Variants in CACNA2D3 observed in about 807,000 individuals in gnomAD.
CACNA2D3 encodes the protein calcium voltage-gated channel auxiliary subunit alpha2delta 3, also known as voltage-dependent calcium channel subunit alpha-2/delta-3.
In CACNA2D3, 60 loss-of-function variants were observed where a neutral mutation model predicts 160.6. The observed-to-expected ratio is 0.37, with a 90% CI of 0.30 to 0.46. CACNA2D3 has a LOEUF of 0.46. CACNA2D3 is among the 20% of genes least tolerant of loss of function. The probability of loss-of-function intolerance (pLI) is 1.00; values close to 1 mark genes in which losing one functional copy is unlikely to be tolerated. For missense variants in CACNA2D3, 1,205 were observed against 1,365.0 expected, an observed-to-expected ratio of 0.88 and a Z score of 1.85; for synonymous variants, 558 against 492.9, an observed-to-expected ratio of 1.13 and a Z score of -1.75.
intron 4 of CACNA2D3, among the ~76,000 whole-genome samples, chr3:54,466,275 T>A (rs1359305852): frequency 1.3e-5 from 2 of 152,194 alleles, no homozygotes; most frequent in Non-Finnish European, 2.9e-5. Context: ...TATAAATTTT[T>A]TTTTGATGTT....
chr3:54,769,428 ATCG>A (rs1702279478), intron 13 of CACNA2D3, among the ~76,000 whole-genome samples: 1 of 152,054 alleles, frequency 6.6e-6, no homozygotes, highest in Non-Finnish European at 1.5e-5. Context: ...AAGCATATTT[ATCG>A]TCTACCTTAG....
chr3:54,885,585 G>T lies in CACNA2D3; in HGVS notation c.2055G>T (p.Gln685His). ...LYLKGKEPLL[Q>H]CDKELIQEVL... Reference sequence around the variant, plus strand: ...TAAAAGGCAAAGAACCTCTGCTCCAGTGTGAGTATGCTTTCAAAAGTGTGC... The same window carrying T: ...TAAAAGGCAAAGAACCTCTGCTCCATTGTGAGTATGCTTTCAAAAGTGTGC... Residue 685 changes from glutamine to histidine, a missense_variant and splice_region_variant, in exon 23 of 38, where the codon CAG becomes CAT. This residue lies in a region of CACNA2D3 where 911 missense variants were observed against 1,002.2 expected (regional missense o/e 0.91). Transcript: ENST00000474759. 5.6e-6 allele frequency: 9 copies of T among 1,609,254 alleles called. No individual in the cohort carries two copies. The highest frequency in any genetic ancestry group is 7.6e-6 in the Non-Finnish European group (9 of 1,176,602).
intron 11 of CACNA2D3, among the ~76,000 whole-genome samples, chr3:54,650,639 A>T (rs1282914050): frequency 6.6e-6 from 1 of 152,150 alleles, no homozygotes; most frequent in African/African-American, 2.4e-5. Flanking sequence ...TGCTACAATT[A>T]TAGGTGTGAA....
chr3:54,732,120 T>G (rs1381832121), intron 11 of CACNA2D3, among the ~76,000 whole-genome samples: 1 of 152,232 alleles, frequency 6.6e-6, no homozygotes, highest in Non-Finnish European at 1.5e-5. Context: ...AGGCTACGTG[T>G]TTAAGGGTGA....
chr3:54,386,694 G>A, intron 3 of CACNA2D3, 21 bp from the exon 4 acceptor site: 1 of 1,407,596 alleles, frequency 7.1e-7, no homozygotes, highest in Non-Finnish European at 9.4e-7. Context: ...GCTGTCTTCT[G>A]TTTTTTTTTT....
At chr3:54,433,123 A>G (rs995063327) in intron 4 of CACNA2D3, among the ~76,000 whole-genome samples, 5 of 152,234 alleles carry the variant, frequency 3.3e-5, no homozygotes, top group Non-Finnish European at 5.9e-5. Context: ...GTTGAGCTCA[A>G]CATTCCAACG....
chr3:54,837,224 C>T lies in CACNA2D3; in HGVS notation c.1464C>T (p.Asn488=), dbSNP rs756763797. 9 of 1,613,680 alleles carry T rather than the reference C, an allele frequency of 5.6e-6. No homozygotes were observed. The highest frequency in any genetic ancestry group is 1.1e-5 in the South Asian group (1 of 91,074). The change falls in exon 15 of 38, where the codon AAC becomes AAT. Residue 488 remains asparagine, a synonymous_variant. Coordinates refer to ENST00000474759, the MANE Select transcript of CACNA2D3 (RefSeq NM_018398.3). The part of the protein sequence containing the change: ...TVAMPVFSKQ[N]ETRSKGILLG... ...CCATGCCTGTGTTTAGTAAGCAGAA[C>T]GAAACCGTGAGTACAGTCGCTGAGC...
chr3:55,024,367 A>G (rs561696031), intron 35 of CACNA2D3, among the ~76,000 whole-genome samples: 6 of 152,034 alleles, frequency 3.9e-5, no homozygotes, highest in Non-Finnish European at 8.8e-5. Context: ...TAACATGTGC[A>G]TAAGGCTATG....
intron 35 of CACNA2D3, among the ~76,000 whole-genome samples, chr3:55,051,887 C>G (rs1428659496): frequency 6.6e-6 from 1 of 152,190 alleles, no homozygotes; most frequent in Non-Finnish European, 1.5e-5. Context: ...GTCTGTCACC[C>G]CTTTCTTTGA....
At chr3:55,041,316 T>C (rs895290559) in intron 35 of CACNA2D3, among the ~76,000 whole-genome samples, 6 of 152,200 alleles carry the variant, frequency 3.9e-5, no homozygotes, top group African/African-American at 1.2e-4. Flanking sequence ...TAAACACATA[T>C]ATAATTTTTC....
chr3:54,334,689 A>G (rs984236217), intron 3 of CACNA2D3, among the ~76,000 whole-genome samples: 3 of 152,212 alleles, frequency 2.0e-5, no homozygotes, highest in African/African-American at 7.2e-5. Flanking sequence ...TTGAGATGGA[A>G]GCAATCACAC....
In CACNA2D3 at chr3:54,596,498, G is replaced by T. The variant is rs114821642; in HGVS notation, c.963+14621G>T. 7.7e-3 allele frequency among the ~76,000 whole-genome samples: 1,165 copies of T among 152,124 alleles called. 22 individuals carry two copies. Among genetic ancestry groups the T allele is most frequent in the African/African-American group, 0.027 (1,106 of 41,512 alleles). ...CCAGGGGTTAGTCTCCATATGTATGGGCTCTCACGGACTAGTTAGTAAAAG... is the reference window on the plus strand; with the variant it reads ...CCAGGGGTTAGTCTCCATATGTATGTGCTCTCACGGACTAGTTAGTAAAAG... On this transcript the variant is annotated intron_variant, in intron 9 of 37. Transcript: ENST00000474759.
intron 14 of CACNA2D3, among the ~76,000 whole-genome samples, chr3:54,822,072 A>G (rs1703615891): frequency 6.6e-6 from 1 of 152,168 alleles, no homozygotes; most frequent in Non-Finnish European, 1.5e-5. Flanking sequence ...ATTTGCTTTT[A>G]CCTGTACTTT....
chr3:54,972,777 C>G (rs1401194714), intron 29 of CACNA2D3, among the ~76,000 whole-genome samples: 1 of 152,152 alleles, frequency 6.6e-6, no homozygotes, highest in Non-Finnish European at 1.5e-5. Flanking sequence ...AGCCATGTGA[C>G]TTGAGGGCCT....
At chr3:54,630,429 A>G (rs1278365589) in intron 10 of CACNA2D3, among the ~76,000 whole-genome samples, 1 of 152,062 alleles carries the variant, frequency 6.6e-6, no homozygotes, top group Non-Finnish European at 1.5e-5. Flanking sequence ...GCGCAGTTTA[A>G]TGCCGGCCTG....
At chr3:54,569,710 C>T in intron 6 of CACNA2D3, 85 bp from the exon 7 acceptor site, 1 of 1,114,240 alleles carries the variant, frequency 9.0e-7, no homozygotes, top group East Asian at 2.6e-5. Context: ...CCTGTCCATT[C>T]AATCAGCAAA....
chr3:54,168,910 G>A (rs910820646), intron 2 of CACNA2D3, among the ~76,000 whole-genome samples: 7 of 152,160 alleles, frequency 4.6e-5, no homozygotes, highest in Non-Finnish European at 1.0e-4. Flanking sequence ...ACTGTCCTGC[G>A]TGGAAGATCT....
At chr3:54,910,551 C>T (rs1700534064) in intron 27 of CACNA2D3, among the ~76,000 whole-genome samples, 1 of 152,102 alleles carries the variant, frequency 6.6e-6, no homozygotes, top group South Asian at 2.1e-4. Context: ...CCTCACTGTC[C>T]AACCCTCCTA....
rs1371004629 is a variant in CACNA2D3, at chr3:54,399,902, G to A, written c.381+13128G>A. On this transcript the variant is annotated intron_variant, in intron 4 of 37. Coordinates refer to ENST00000474759, the MANE Select transcript of CACNA2D3 (RefSeq NM_018398.3). The stretch of plus-strand genomic sequence containing the variant: ...TGGCGGGCGCCCCTCCCCCAGCCTC[G>A]TTGCCGCCTTGCAGTTTGATCTCAG... Among the ~76,000 whole-genome samples, 27 of 123,414 alleles carry A rather than the reference G, an allele frequency of 2.2e-4. 7 individuals are homozygous for A. Among genetic ancestry groups the A allele is most frequent in the East Asian group, 9.6e-4 (4 of 4,158 alleles). 81.0% of individuals were successfully genotyped at this position (123,414 alleles called of 152,430 possible). A position where few individuals can be genotyped will look rare whatever the true frequency, so the allele number is the denominator to read the frequency against.
Sources: allele counts gnomAD v4.1 joint callset (sites outside exome capture counted in the v4.1 genomes callset), GRCh38; gene constraint gnomAD v4.1.1; regional missense constraint gnomAD v4.1.1; transcripts MANE v1.5; gene names NCBI Gene and HGNC (gene_info 2026-07-23, HGNC 2026-07-21).